MYO9B: variants seen among roughly 807,000 people sequenced by gnomAD.
MYO9B encodes the protein unconventional myosin-IXb.
Under a neutral mutation model 229.5 loss-of-function variants are expected in MYO9B, and 71 were observed. That is an observed-to-expected ratio of 0.31 (90% CI 0.26 to 0.38). MYO9B has a LOEUF of 0.38. Among genes scored for constraint, MYO9B ranks in the 10% least tolerant of loss-of-function variants. The pLI, the probability that MYO9B is intolerant of heterozygous loss-of-function variation, is 1.00. For missense variants in MYO9B, 2,255 were observed against 2,920.5 expected (o/e 0.77, Z 5.25); for synonymous variants, 1,185 against 1,235.8 (o/e 0.96, Z 0.86).
Position 17,198,326 on chromosome 19 carries a change from G to A in MYO9B, c.4238+18G>A, listed in dbSNP as rs1273014331. The A allele has an allele frequency of 6.2e-7, 1 of 1,612,512 alleles. No individual in the cohort carries two copies. Among genetic ancestry groups the A allele is most frequent in the African/African-American group, 1.3e-5 (1 of 75,038 alleles). Reference sequence around the variant, plus strand: ...GACTCTAAGTAAGTATTGGGCTTGGGGGAAACTCAGGCCACCAGAGGATGC... The same window carrying A: ...GACTCTAAGTAAGTATTGGGCTTGGAGGAAACTCAGGCCACCAGAGGATGC... On this transcript the variant is annotated intron_variant, in intron 24 of 39. Transcript: ENST00000682292.
chr19:17,209,357 T>C (rs1357671018), intron 35 of MYO9B, among the ~76,000 whole-genome samples: 1 of 152,238 alleles, frequency 6.6e-6, no homozygotes, highest in Non-Finnish European at 1.5e-5. Context: ...CAGTTCACTC[T>C]GACCCTCCTT....
Position 17,181,048 on chromosome 19 carries a change from C to G in MYO9B, c.2333+8C>G. 6.3e-7 allele frequency: 1 copy of G among 1,590,194 alleles called. No homozygotes were observed. The highest frequency in any genetic ancestry group is 1.3e-5 in the African/African-American group (1 of 74,408). ...ACCCCGCGCCTTCATCCTGTGAGTC[C>G]CCCACCAAGGCCCTGCTTACAAGTG... On this transcript the variant is annotated splice_region_variant and intron_variant, in intron 15 of 39. Coordinates refer to ENST00000682292, the MANE Select transcript of MYO9B (RefSeq NM_004145.4).
chr19:17,209,625 CA>C lies in MYO9B; in HGVS notation c.5667del (p.Val1890Ter). 6.2e-7 allele frequency: 1 copy of C among 1,606,776 alleles called. No individual in the cohort carries two copies. The highest frequency in any genetic ancestry group is 8.5e-7 in the Non-Finnish European group (1 of 1,176,618). ...MLIKEQMRKY[K>X]VKMEEISQLE... ...TGATCAAGGAGCAGATGAGGAAATA[CA>C]AAGTGAAGATGGAGGAGATCAGCCA... On this transcript the variant is annotated frameshift_variant, in exon 36 of 40. Coordinates refer to ENST00000682292, the MANE Select transcript of MYO9B (RefSeq NM_004145.4). LOFTEE classifies it high-confidence loss of function.
At chr19:17,076,326 G>A (rs1030850967) in intron 1 of MYO9B, among the ~76,000 whole-genome samples, 2 of 151,928 alleles carry the variant, frequency 1.3e-5, no homozygotes, top group African/African-American at 4.8e-5. Context: ...TTGAAGGAAG[G>A]GTGTCTGAGA....
chr19:17,098,752 G>A (rs1201163589), intron 1 of MYO9B, among the ~76,000 whole-genome samples: 3 of 152,026 alleles, frequency 2.0e-5, no homozygotes, highest in East Asian at 3.9e-4. Flanking sequence ...AATATAGTGA[G>A]GCCCCCATCT....
chr19:17,210,204 G>A, intron 36 of MYO9B, 129 bp from the exon 37 acceptor site: 1 of 908,916 alleles, frequency 1.1e-6, no homozygotes, highest in Non-Finnish European at 1.6e-6. Context: ...GTGTTAGTGG[G>A]GAACGGGCTC....
In MYO9B at chr19:17,120,799, G is replaced by T. The variant is rs112394122; in HGVS notation, c.840+18242G>T. On this transcript the variant is annotated intron_variant, in intron 2 of 39. Coordinates refer to ENST00000682292, the MANE Select transcript of MYO9B (RefSeq NM_004145.4). ...AGTATATGTTCTGGAGAGAGAGAGA[G>T]AGATATATAACAGCAGATATAGAGC... Among the ~76,000 whole-genome samples, 88 of 152,226 alleles carry T rather than the reference G, an allele frequency of 5.8e-4. No individual in the cohort carries two copies. In the Middle Eastern group the frequency reaches 0.014, roughly 24 times the overall value.
At chr19:17,077,705 C>T (rs772001723) in intron 1 of MYO9B, among the ~76,000 whole-genome samples, 1 of 152,190 alleles carries the variant, frequency 6.6e-6, no homozygotes, top group Non-Finnish European at 1.5e-5. Context: ...TCATCACCGT[C>T]TTGTCTCCAG....
rs45541337 is a variant in MYO9B, at chr19:17,194,972, T to G, written c.3545T>G (p.Val1182Gly). The G allele has an allele frequency of 0.041, 65,336 of 1,611,076 alleles. 2,746 individuals are homozygous for G. The highest frequency in any genetic ancestry group is 0.22 in the African/African-American group (16,546 of 74,338). The change falls in exon 22 of 40, where the codon GTC (valine) becomes GGC (glycine). Residue 1182 changes from valine (V) to glycine (G), a missense_variant. Val to Gly is a moderately radical substitution (Grantham distance 109). Coordinates refer to ENST00000682292, the MANE Select transcript of MYO9B (RefSeq NM_004145.4). ...GCCCTCAGAGAACCTTCCAGAAGGG[T>G]CACCCAGGAGCAAGGGGTGAGTCTC... ...ESALREPSRR[V>G]TQEQGVSLLE...
chr19:17,157,174 A>T, intron 7 of MYO9B, 136 bp downstream of exon 7: 1 of 1,090,458 alleles, frequency 9.2e-7, no homozygotes, highest in Non-Finnish European at 1.3e-6. Context: ...TTCCGCTATC[A>T]TCTCTACAGT....
rs1461247978 is a variant in MYO9B, at chr19:17,172,468, T to C, written c.1926T>C (p.Tyr642=). 6.2e-7 allele frequency: 1 copy of C among 1,613,568 alleles called. No homozygotes were observed. The highest frequency in any genetic ancestry group is 8.5e-7 in the Non-Finnish European group (1 of 1,179,748). Residue 642 remains tyrosine (Y), a synonymous_variant, in exon 12 of 40, where the codon TAT becomes TAC. Coordinates refer to ENST00000682292, the MANE Select transcript of MYO9B (RefSeq NM_004145.4). The surrounding 1 kb of genome is among the most constrained non-coding windows in gnomAD (Gnocchi z 8.2). ...AGCACTTCGCAGGGAAGGTGAAATA[T>C]CAGATCAAGGTAGGTGTCTGCCCAT... ...IIQHFAGKVK[Y]QIKDFREKNM...
At chr19:17,197,257 A>G (rs1294765595) in intron 22 of MYO9B, among the ~76,000 whole-genome samples, 3 of 145,124 alleles carry the variant, frequency 2.1e-5, no homozygotes, top group Non-Finnish European at 4.5e-5. Context: ...AGCCTGGGCA[A>G]CAAGAGCAAA....
intron 1 of MYO9B, among the ~76,000 whole-genome samples, chr19:17,089,079 A>G (rs1029877418): frequency 6.6e-6 from 1 of 152,092 alleles, no homozygotes; most frequent in African/African-American, 2.4e-5. Context: ...TCTTCTCTTG[A>G]GTGTCCTCTT....
At position 17,193,134 on chromosome 19, in the gene MYO9B, G is replaced by A. The variant is rs903353843; in HGVS notation, c.3128+72G>A. ...AAGGTCACTCACCAAATTGCTGCCC[G>A]TGATATACCATCTGGCCTGTGGCAC... On this transcript the variant is annotated intron_variant, in intron 21 of 39. Coordinates refer to ENST00000682292, the MANE Select transcript of MYO9B (RefSeq NM_004145.4). The surrounding 1 kb of genome is among the most constrained non-coding windows in gnomAD (Gnocchi z 4.3). 17 of 1,394,362 alleles carry A rather than the reference G, an allele frequency of 1.2e-5. No homozygotes were observed. The highest frequency in any genetic ancestry group is 2.6e-5 in the East Asian group (1 of 38,374). 86.4% of individuals were successfully genotyped at this position (1,394,362 alleles called of 1,614,324 possible). A position where few individuals can be genotyped will look rare whatever the true frequency, so the allele number is the denominator to read the frequency against.
Position 17,162,307 on chromosome 19 carries a change from G to A in MYO9B, c.1420-43G>A, listed in dbSNP as rs374146300. On this transcript the variant is annotated intron_variant, in intron 8 of 39. Transcript: ENST00000682292. ...ATGACAGAGCAAGACTCCAGCGCAG[G>A]GCCTGCCGTGCCGGAGGTGAGTCAC... 1.1e-4 allele frequency: 159 copies of A among 1,489,022 alleles called. No homozygotes were observed. The African/African-American group carries it at 1.7e-3, about 16-fold the overall frequency. 92.2% of individuals were successfully genotyped at this position (1,489,022 alleles called of 1,614,324 possible). A position where few individuals can be genotyped will look rare whatever the true frequency, so the allele number is the denominator to read the frequency against.
chr19:17,180,243 T>TAAAC (rs926452902), intron 14 of MYO9B, among the ~76,000 whole-genome samples: 4 of 147,060 alleles, frequency 2.7e-5, no homozygotes, highest in African/African-American at 1.0e-4. Context: ...AATAAATAAA[T>TAAAC]AAATAAATAA....
At position 17,155,812 on chromosome 19, in the gene MYO9B, A is replaced by G. The variant is rs2072530482; in HGVS notation, c.1200-1097A>G. On this transcript the variant is annotated intron_variant, in intron 6 of 39. Coordinates refer to ENST00000682292, the MANE Select transcript of MYO9B (RefSeq NM_004145.4). The stretch of plus-strand genomic sequence containing the variant: ...GGCAGGTGGATTGCCTGAGCTCACG[A>G]GTTCAAGGCCAGGCTGGGCAACATG... Among the ~76,000 whole-genome samples, 4 of 152,256 alleles carry G rather than the reference A, an allele frequency of 2.6e-5. No homozygotes were observed. In the East Asian group the frequency reaches 5.8e-4, roughly 22 times the overall value.
At chr19:17,117,160 C>T (rs1029921115) in intron 2 of MYO9B, among the ~76,000 whole-genome samples, 2 of 152,154 alleles carry the variant, frequency 1.3e-5, no homozygotes, top group East Asian at 1.9e-4. Flanking sequence ...AGACAGGGGA[C>T]CCATCTGTCT....
intron 7 of MYO9B, 40 bp downstream of exon 7, chr19:17,157,078 AG>A (rs774251795): frequency 1.9e-6 from 3 of 1,594,756 alleles, no homozygotes; most frequent in South Asian, 2.3e-5. Flanking sequence ...GGCCTGGCTC[AG>A]GGCCGCTGGC....
Sources: gnomAD v4.1 joint callset for allele counts (sites outside exome capture counted in the v4.1 genomes callset) on GRCh38, gnomAD v4.1.1 for gene constraint, Gnocchi (gnomAD v3.1) non-coding constraint, MANE v1.5 for transcripts, NCBI Gene and HGNC (gene_info 2026-07-23, HGNC 2026-07-21) for gene names.